The following PHF3 variants were observed in gnomAD, a reference collection of about 807,000 sequenced individuals.
PHF3 encodes PHD finger protein 3.
In PHF3, 41 loss-of-function variants were observed where a neutral mutation model predicts 178.4. That is an observed-to-expected ratio of 0.23 (90% CI 0.18 to 0.30). The LOEUF is 0.30. Among genes scored for constraint, PHF3 ranks in the 10% least tolerant of loss-of-function variants. PHF3 has a pLI of 1.00. For synonymous variants in PHF3, 842 were observed against 800.5 expected, an observed-to-expected ratio of 1.05 and a Z score of -0.88; for missense variants, 2,346 against 2,398.1, an observed-to-expected ratio of 0.98 and a Z score of 0.45.
intron 2 of PHF3, among the ~76,000 whole-genome samples, chr6:63,655,038 T>A (rs932894058): frequency 1.6e-4 from 24 of 151,856 alleles, no homozygotes; most frequent in African/African-American, 5.8e-4. Flanking sequence ...GGACTACAGG[T>A]GTGTGCTGCC....
At position 63,646,774 on chromosome 6, in the gene PHF3, T is replaced by G; in HGVS notation, c.223T>G (p.Phe75Val). The G allele has an allele frequency of 6.5e-7, 1 of 1,542,156 alleles. No individual in the cohort carries two copies. Among genetic ancestry groups the G allele is most frequent in the East Asian group, 2.5e-5 (1 of 40,378 alleles). ...TGTTTTGGATAGCAATGATCCCAAT[T>G]TCCAGATGCCTTGTTCAACAGGTAA... Reference protein sequence around the residue: ...LPVLDSNDPNFQMPCSTVVGL... With the variant: ...LPVLDSNDPNVQMPCSTVVGL... The change falls in exon 2 of 16, where the codon TTC (phenylalanine) becomes GTC (valine). Residue 75 changes from phenylalanine to valine, a missense_variant. Coordinates refer to ENST00000262043, the MANE Select transcript of PHF3 (RefSeq NM_001370348.2).
intron 2 of PHF3, chr6:63,679,785 T>C: frequency 1.7e-6 from 1 of 588,826 alleles, no homozygotes; most frequent in Non-Finnish European, 3.2e-6. Flanking sequence ...AATACTCTCT[T>C]TGACTAATTA....
chr6:63,694,491 A>G (rs1767145606), intron 5 of PHF3, 90 bp from the exon 6 acceptor site: 1 of 879,448 alleles, frequency 1.1e-6, no homozygotes, highest in South Asian at 2.6e-5. Flanking sequence ...ATCTCATTTT[A>G]CTAATAATCA....
chr6:63,683,048 C>A (rs1766508060), intron 3 of PHF3, among the ~76,000 whole-genome samples: 1 of 151,502 alleles, frequency 6.6e-6, no homozygotes, highest in Non-Finnish European at 1.5e-5. Flanking sequence ...AGTTCATAAC[C>A]CACCAAGTAA....
At position 63,721,629 on chromosome 6, in the gene PHF3, C is replaced by G. The variant is rs1163416783; in HGVS notation, c.*7921C>G. The G allele has an allele frequency of 5.8e-6, 9 of 1,550,948 alleles. No homozygotes were observed. The highest frequency in any genetic ancestry group is 5.2e-6 in the Non-Finnish European group (6 of 1,146,480). ...GGAGGCCTTTTCTGTTACATTTATC[C>G]CATCTAGATCCAGGTAGCCTTCTGC... On this transcript the variant is annotated 3_prime_UTR_variant, in exon 16 of 16. Coordinates refer to ENST00000262043, the MANE Select transcript of PHF3 (RefSeq NM_001370348.2).
Position 63,713,416 on chromosome 6 carries a change from C to T in PHF3, c.5828C>T (p.Ser1943Phe). ...ERHEKEWEQE[S>F]ERHRRRDRSQ... ...CATGAAAAGGAATGGGAGCAAGAAT[C>T]TGAAAGGCATAGACGCAGAGACAGA... is the stretch of plus-strand genomic sequence containing the variant. Residue 1943 changes from serine to phenylalanine, a missense_variant, in exon 16 of 16, where the codon TCT becomes TTT. Coordinates refer to ENST00000262043, the MANE Select transcript of PHF3 (RefSeq NM_001370348.2). The T allele has an allele frequency of 6.2e-7, 1 of 1,613,908 alleles. No individual in the cohort carries two copies. Among genetic ancestry groups the T allele is most frequent in the Non-Finnish European group, 8.5e-7 (1 of 1,179,926 alleles).
intron 6 of PHF3, among the ~76,000 whole-genome samples, chr6:63,697,081 T>A (rs993146635): frequency 1.3e-5 from 2 of 151,978 alleles, no homozygotes; most frequent in African/African-American, 2.4e-5. Flanking sequence ...AGAGATGATG[T>A]TGATGATGTA....
At chr6:63,702,385 C>A in intron 9 of PHF3, 123 bp from the exon 10 acceptor site, 1 of 595,704 alleles carries the variant, frequency 1.7e-6, no homozygotes, top group Non-Finnish European at 2.7e-6. Context: ...TGAGACATTA[C>A]CTTAAGATTA....
chr6:63,703,744 A>G (rs1464173261), intron 11 of PHF3, 73 bp downstream of exon 11: 1 of 1,412,474 alleles, frequency 7.1e-7, no homozygotes, highest in Non-Finnish European at 9.7e-7. Context: ...TAGTATATGT[A>G]ATTTAAGTAG....
At chr6:63,644,705 T>C (rs1764706395) in intron 1 of PHF3, among the ~76,000 whole-genome samples, 1 of 152,020 alleles carries the variant, frequency 6.6e-6, no homozygotes, top group Non-Finnish European at 1.5e-5. Flanking sequence ...GAGAGAGGAA[T>C]TTGCTTTTTT....
chr6:63,661,231 A>G (rs1765453325), intron 2 of PHF3, among the ~76,000 whole-genome samples: 3 of 152,198 alleles, frequency 2.0e-5, no homozygotes, highest in Admixed American at 2.0e-4. Context: ...GATTGCAGCT[A>G]TGTATGTTAT....
At chr6:63,692,645 C>G (rs866566644) in intron 5 of PHF3, among the ~76,000 whole-genome samples, 6 of 152,122 alleles carry the variant, frequency 3.9e-5, no homozygotes, top group Non-Finnish European at 7.4e-5. Flanking sequence ...TGTGGTTAGG[C>G]AAGTATAATC....
intron 2 of PHF3, chr6:63,678,870 C>T (rs1016254931): frequency 2.2e-6 from 1 of 451,620 alleles, no homozygotes; most frequent in Non-Finnish European, 4.4e-6. Context: ...TGAAGTTCTA[C>T]TTGGACACAA....
chr6:63,661,157 A>G (rs182102731), intron 2 of PHF3, among the ~76,000 whole-genome samples: 1 of 152,158 alleles, frequency 6.6e-6, no homozygotes, highest in African/African-American at 2.4e-5. Context: ...GGAATTATTC[A>G]TGGAGGTTTA....
rs1282268003 is a variant in PHF3 at position 63,723,671 on chromosome 6, G to A, written c.*9963G>A. ...TGTTCTTACGAAAAATTGACAAAAA[G>A]TTTTCTTTCTGTGGCTATGGAAGCT... On this transcript the variant is annotated 3_prime_UTR_variant, in exon 16 of 16. Coordinates refer to ENST00000262043, the MANE Select transcript of PHF3 (RefSeq NM_001370348.2). Among the ~76,000 whole-genome samples the A allele has an allele frequency of 2.6e-5, 4 of 151,810 alleles. No homozygotes were observed. Among genetic ancestry groups the A allele is most frequent in the African/African-American group, 9.7e-5 (4 of 41,358 alleles).
chr6:63,679,961 A>G (rs767811891), intron 2 of PHF3, 39 bp from the exon 3 acceptor site: 3 of 1,556,950 alleles, frequency 1.9e-6, no homozygotes, highest in East Asian at 2.3e-5. Context: ...AACATTCCCA[A>G]TATTTTTAAA....
At chr6:63,679,873 A>C (rs1238511916) in intron 2 of PHF3, 127 bp from the exon 3 acceptor site, 1 of 813,808 alleles carries the variant, frequency 1.2e-6, no homozygotes, top group Non-Finnish European at 2.1e-6. Context: ...AGAAAATTTC[A>C]CATTCCAGAT....
At chr6:63,686,753 A>G (rs1168120621) in intron 4 of PHF3, among the ~76,000 whole-genome samples, 2 of 152,238 alleles carry the variant, frequency 1.3e-5, no homozygotes, top group Non-Finnish European at 2.9e-5. Flanking sequence ...AAAGAACATT[A>G]TAATTTGTAT....
chr6:63,680,245 A>G (rs1486496303), intron 3 of PHF3, 84 bp downstream of exon 3: 2 of 1,178,824 alleles, frequency 1.7e-6, no homozygotes, highest in East Asian at 2.4e-5. Flanking sequence ...AGCAGAAATC[A>G]TATTTTCTTG....
Sources: allele counts gnomAD v4.1 joint callset (sites outside exome capture counted in the v4.1 genomes callset), GRCh38; gene constraint gnomAD v4.1.1; transcripts MANE v1.5; gene names NCBI Gene and HGNC (gene_info 2026-07-23, HGNC 2026-07-21).